USP24: variants seen among roughly 807,000 people sequenced by gnomAD.
USP24 encodes ubiquitin carboxyl-terminal hydrolase 24.
A neutral mutation model predicts 361.6 loss-of-function variants in USP24; 97 were observed. The ratio of observed to expected loss-of-function variants is 0.27; its 90% confidence interval spans 0.23 to 0.32. The LOEUF (loss-of-function observed/expected upper bound fraction) is 0.32, where lower values mean the gene tolerates loss of function less well. USP24 is among the 10% of genes least tolerant of loss of function. The pLI is 1.00. For synonymous variants in USP24, 1,098 were observed against 1,124.6 expected, an observed-to-expected ratio of 0.98 and a Z score of 0.47; for missense variants, 2,353 against 3,165.6, an observed-to-expected ratio of 0.74 and a Z score of 6.16.
At chr1:55,118,977 T>C (rs866391847) in intron 38 of USP24, among the ~76,000 whole-genome samples, 2 of 152,192 alleles carry the variant, frequency 1.3e-5, no homozygotes, top group South Asian at 4.1e-4. Context: ...GGTGGGGAAG[T>C]AAAATGGTAC....
Position 55,158,912 on chromosome 1 carries a change from G to A in USP24, c.1193C>T (p.Pro398Leu). 1.3e-6 allele frequency: 2 copies of A among 1,570,526 alleles called. No homozygotes were observed. Among genetic ancestry groups the A allele is most frequent in the Non-Finnish European group, 1.7e-6 (2 of 1,155,612 alleles). Residue 398 changes from proline to leucine, a missense_variant, in exon 10 of 68, where the codon CCA (proline) becomes CTA (leucine). Coordinates refer to ENST00000294383, the MANE Select transcript of USP24 (RefSeq NM_015306.3). The stretch of plus-strand genomic sequence containing the variant: ...AGAATTCATCTTAGCACTGAAATGT[G>A]GTGATTTCAGCATGCGCAATAGAAT... ...LDILLRMLKS[P>L]HFSAKMNSLK...
rs761043277 is a variant in USP24 at position 55,106,272 on chromosome 1, G to A, written c.4763-9C>T. ...TTTAATGAGTGATGAACCTGGAATA[G>A]AGCATAATATTCATGTTGAAGATGA... On this transcript the variant is annotated splice_polypyrimidine_tract_variant and intron_variant, in intron 40 of 67. Transcript: ENST00000294383. 1 of 1,571,350 alleles carries A rather than the reference G, an allele frequency of 6.4e-7. No homozygotes were observed. Among genetic ancestry groups the A allele is most frequent in the African/African-American group, 1.4e-5 (1 of 74,072 alleles).
At position 55,156,940 on chromosome 1, in the gene USP24, C is replaced by A. The variant is rs1647733149; in HGVS notation, c.1446+8G>T. The A allele has an allele frequency of 6.2e-7, 1 of 1,602,418 alleles. No individual in the cohort carries two copies. The highest frequency in any genetic ancestry group is 8.5e-7 in the Non-Finnish European group (1 of 1,170,420). The stretch of plus-strand genomic sequence containing the variant: ...AGCCAAAGGCAAAAATAATTCTGAT[C>A]AACCTACCTGTATCTTCCAAATTTT... On this transcript the variant is annotated splice_region_variant and intron_variant, in intron 12 of 67. Coordinates refer to ENST00000294383, the MANE Select transcript of USP24 (RefSeq NM_015306.3).
chr1:55,103,071 T>C (rs1034127518), intron 42 of USP24, among the ~76,000 whole-genome samples: 5 of 152,212 alleles, frequency 3.3e-5, no homozygotes, highest in Admixed American at 3.3e-4. Context: ...ACGGCAGCTT[T>C]GAAAGCATCT....
chr1:55,077,102 C>CGAA, intron 62 of USP24, 133 bp downstream of exon 62: 2 of 845,104 alleles, frequency 2.4e-6, no homozygotes, highest in South Asian at 6.0e-5. Context: ...ATGACTGACA[C>CGAA]GAAGATTTGG....
chr1:55,192,125 AG>A (rs1031204377), intron 1 of USP24, among the ~76,000 whole-genome samples: 1 of 150,672 alleles, frequency 6.6e-6, no homozygotes, highest in African/African-American at 2.4e-5. Context: ...TCAACATGCA[AG>A]CTTTTAAGTT....
At chr1:55,206,381 C>A (rs1055341865) in intron 1 of USP24, among the ~76,000 whole-genome samples, 3 of 151,992 alleles carry the variant, frequency 2.0e-5, no homozygotes, top group Non-Finnish European at 2.9e-5. Flanking sequence ...ATTGAGCTAA[C>A]CTTGAAGAAC....
chr1:55,198,913 A>C (rs1279637266), intron 1 of USP24, among the ~76,000 whole-genome samples: 2 of 152,256 alleles, frequency 1.3e-5, no homozygotes, highest in African/African-American at 2.4e-5. Context: ...AAAATCTTTT[A>C]AACATAAGAG....
At chr1:55,189,307 T>C (rs1171222895) in intron 1 of USP24, among the ~76,000 whole-genome samples, 1 of 152,238 alleles carries the variant, frequency 6.6e-6, no homozygotes, top group Non-Finnish European at 1.5e-5. Flanking sequence ...CCATGTGTTA[T>C]ATCCATACAA....
chr1:55,156,138 A>G (rs1025145491), intron 12 of USP24, among the ~76,000 whole-genome samples: 2 of 152,202 alleles, frequency 1.3e-5, no homozygotes, highest in African/African-American at 4.8e-5. Flanking sequence ...GAAGAATAAT[A>G]CCATTAATGA....
chr1:55,095,978 A>C (rs1317195853), intron 50 of USP24, among the ~76,000 whole-genome samples: 2 of 152,236 alleles, frequency 1.3e-5, no homozygotes, highest in Non-Finnish European at 2.9e-5. Flanking sequence ...ATAGCTTTTT[A>C]TCAAATAGCA....
intron 37 of USP24, among the ~76,000 whole-genome samples, chr1:55,121,122 C>T (rs1207756407): frequency 1.3e-5 from 2 of 152,128 alleles, no homozygotes; most frequent in African/African-American, 4.8e-5. Flanking sequence ...TGATTCTGAC[C>T]AACAACGTGG....
At chr1:55,099,623 T>A (rs1437215063) in intron 45 of USP24, 148 bp downstream of exon 45, 5 of 654,396 alleles carry the variant, frequency 7.6e-6, no homozygotes, top group Non-Finnish European at 1.3e-5. Flanking sequence ...TGTTTTGATG[T>A]TTAAACACAG....
At chr1:55,186,605 T>C (rs1036581011) in intron 1 of USP24, among the ~76,000 whole-genome samples, 2 of 152,242 alleles carry the variant, frequency 1.3e-5, no homozygotes, top group Admixed American at 1.3e-4. Context: ...GTGTTTATGA[T>C]ACATGTTACA....
Position 55,147,045 on chromosome 1 carries a change from G to T in USP24, c.2134C>A (p.Leu712Ile). The change falls in exon 19 of 68, where the codon CTA (leucine) becomes ATA (isoleucine). Residue 712 changes from leucine to isoleucine, a missense_variant. Around this residue, in one of 8 missense-constraint regions of USP24, gnomAD observed 949 missense variants for 1,280.5 expected, o/e 0.74. Coordinates refer to ENST00000294383, the MANE Select transcript of USP24 (RefSeq NM_015306.3). The stretch of plus-strand genomic sequence containing the variant: ...TGCAAGAAAAACGCTAGAAATTTTA[G>T]ATGTGCCTCTAAATACTGCAAAAAG... ...YTYREYLEAH[L>I]KFLAFFLQEA... 6.3e-7 allele frequency: 1 copy of T among 1,592,242 alleles called. No individual in the cohort carries two copies. The highest frequency in any genetic ancestry group is 8.5e-7 in the Non-Finnish European group (1 of 1,171,884).
At chr1:55,134,529 G>C in intron 28 of USP24, 116 bp from the exon 29 acceptor site, 1 of 874,442 alleles carries the variant, frequency 1.1e-6, no homozygotes, top group South Asian at 1.6e-5. Context: ...TCACTGTAAA[G>C]CTTGAGGGAA....
intron 41 of USP24, among the ~76,000 whole-genome samples, 180 bp from the exon 42 acceptor site, chr1:55,104,200 C>CT (rs1201283583): frequency 6.6e-6 from 1 of 152,108 alleles, no homozygotes; most frequent in African/African-American, 2.4e-5. Flanking sequence ...GAATTAGTAA[C>CT]TATCTTCTTG....
At chr1:55,164,074 T>C (rs936894646) in intron 7 of USP24, among the ~76,000 whole-genome samples, 4 of 151,986 alleles carry the variant, frequency 2.6e-5, no homozygotes, top group African/African-American at 9.7e-5. Context: ...CCAATGCCCA[T>C]TAGTAAGTGT....
In USP24 at chr1:55,068,213, G is replaced by A. The variant is rs760142795; in HGVS notation, c.*832C>T. 6.6e-6 allele frequency: 1 copy of A among 152,236 alleles called. No homozygotes were observed. Among genetic ancestry groups the A allele is most frequent in the Non-Finnish European group, 1.5e-5 (1 of 68,038 alleles). 9.4% of individuals were successfully genotyped at this position (152,236 alleles called of 1,614,324 possible). ...AGATAATTCTGTGAAGTTAAACTCAGTAAAATTATATCTTAAAGTGCTTTT... is the reference window on the plus strand; with the variant it reads ...AGATAATTCTGTGAAGTTAAACTCAATAAAATTATATCTTAAAGTGCTTTT... On this transcript the variant is annotated 3_prime_UTR_variant, in exon 68 of 68. Transcript: ENST00000294383.
Sources: gnomAD v4.1 joint callset for allele counts (sites outside exome capture counted in the v4.1 genomes callset) on GRCh38, gnomAD v4.1.1 for gene constraint, gnomAD v4.1.1 regional missense constraint, MANE v1.5 for transcripts, NCBI Gene and HGNC (gene_info 2026-07-23, HGNC 2026-07-21) for gene names.